Variants in TMEM131 observed in about 807,000 individuals in gnomAD.
TMEM131 encodes transmembrane protein 131.
TMEM131 carries 66 observed loss-of-function variants against 211.6 expected under a neutral mutation model. The ratio of observed to expected loss-of-function variants is 0.31; its 90% confidence interval spans 0.26 to 0.38. The LOEUF (loss-of-function observed/expected upper bound fraction) is 0.38. Among genes scored for constraint, TMEM131 ranks in the 10% least tolerant of loss-of-function variants. The probability of loss-of-function intolerance (pLI) is 1.00; values close to 1 mark genes in which losing one functional copy is unlikely to be tolerated. For synonymous variants in TMEM131, 844 were observed against 841.3 expected, an observed-to-expected ratio of 1.00 and a Z score of -0.06; for missense variants, 2,036 against 2,299.3, an observed-to-expected ratio of 0.89 and a Z score of 2.34.
chr2:97,757,934 C>T (rs34305873), intron 40 of TMEM131, among the ~76,000 whole-genome samples: 51,504 of 152,048 alleles, frequency 0.34, 9,659 homozygotes, highest in Middle Eastern at 0.48. Flanking sequence ...AGATCGAGAT[C>T]ATCCTGGCTA....
chr2:97,821,629 C>T (rs1048773706), intron 11 of TMEM131, among the ~76,000 whole-genome samples: 2 of 152,196 alleles, frequency 1.3e-5, no homozygotes, highest in African/African-American at 4.8e-5. Context: ...CACATTTTGG[C>T]GACCCACATG....
intron 40 of TMEM131, among the ~76,000 whole-genome samples, chr2:97,758,473 A>C (rs1678628962): frequency 6.6e-6 from 1 of 152,256 alleles, no homozygotes; most frequent in African/African-American, 2.4e-5. Flanking sequence ...TCAGCAACAA[A>C]GTAAATGCAG....
intron 11 of TMEM131, among the ~76,000 whole-genome samples, chr2:97,824,406 T>C (rs1290417910): frequency 6.6e-6 from 1 of 152,240 alleles, no homozygotes; most frequent in Non-Finnish European, 1.5e-5. Flanking sequence ...TCTCCTGTCC[T>C]GGACGACGGT....
chr2:97,935,353 C>T (rs959888335), intron 1 of TMEM131, among the ~76,000 whole-genome samples: 1 of 152,100 alleles, frequency 6.6e-6, no homozygotes. Context: ...GAACCAGGTA[C>T]AGGCTACACA....
At chr2:97,829,047 A>T (rs1046057549) in intron 11 of TMEM131, among the ~76,000 whole-genome samples, 1 of 152,230 alleles carries the variant, frequency 6.6e-6, no homozygotes, top group African/African-American at 2.4e-5. Context: ...ACTGGCCTAG[A>T]CAGTTCCCCT....
chr2:97,881,242 CTTT>C (rs10713748), intron 4 of TMEM131, among the ~76,000 whole-genome samples: 6 of 144,722 alleles, frequency 4.1e-5, no homozygotes, highest in African/African-American at 5.1e-5. Flanking sequence ...TCTTGCGACT[CTTT>C]TTTTTTTTTT....
At chr2:97,760,365 G>A in intron 38 of TMEM131, 1 of 565,366 alleles carries the variant, frequency 1.8e-6, no homozygotes, top group Non-Finnish European at 3.2e-6. Context: ...GCTGAGACAG[G>A]CATGGGTGCC....
At chr2:97,899,756 T>A (rs1388791504) in intron 3 of TMEM131, among the ~76,000 whole-genome samples, 1 of 152,120 alleles carries the variant, frequency 6.6e-6, no homozygotes, top group East Asian at 1.9e-4. Context: ...TTTATATCTA[T>A]CCCTTTCCCT....
rs779971172 is a variant in TMEM131, at chr2:97,834,823, C to G, written c.907G>C (p.Asp303His). Reference protein sequence around the residue: ...AFIRIKTNASDSTEFIILPVE... With the variant: ...AFIRIKTNASHSTEFIILPVE... Reference sequence around the variant, plus strand: ...GGAAGAATGATAAACTCTGTGCTGTCTGAAGCATTAGTCTTTATTCTTATG... The same window carrying G: ...GGAAGAATGATAAACTCTGTGCTGTGTGAAGCATTAGTCTTTATTCTTATG... The change falls in exon 9 of 41, where the codon GAC (aspartate) becomes CAC (histidine). Residue 303 changes from aspartate (D) to histidine (H), a missense_variant. Transcript: ENST00000186436. The G allele has an allele frequency of 1.2e-6, 2 of 1,613,868 alleles. No individual in the cohort carries two copies.
intron 2 of TMEM131, among the ~76,000 whole-genome samples, chr2:97,926,693 A>C (rs751031509): frequency 6.6e-6 from 1 of 152,224 alleles, no homozygotes; most frequent in Non-Finnish European, 1.5e-5. Context: ...ACTATTAGTG[A>C]ATCACATCCC....
intron 2 of TMEM131, among the ~76,000 whole-genome samples, chr2:97,909,206 C>A (rs778242881): frequency 6.6e-6 from 1 of 152,076 alleles, no homozygotes; most frequent in South Asian, 2.1e-4. Flanking sequence ...TCTGAAGAGA[C>A]AATATTTACA....
intron 1 of TMEM131, among the ~76,000 whole-genome samples, chr2:97,977,584 C>T (rs1339893307): frequency 6.6e-6 from 1 of 152,184 alleles, no homozygotes; most frequent in East Asian, 1.9e-4. Context: ...GCTACATTTA[C>T]ACTGTATTGT....
intron 1 of TMEM131, among the ~76,000 whole-genome samples, chr2:97,941,495 G>A (rs1443566517): frequency 1.3e-5 from 2 of 152,196 alleles, no homozygotes; most frequent in Admixed American, 1.3e-4. Flanking sequence ...AAATGAAAGA[G>A]CTTCTGCACA....
intron 27 of TMEM131, 97 bp downstream of exon 27, chr2:97,796,747 A>G (rs552243469): frequency 2.5e-6 from 3 of 1,220,436 alleles, no homozygotes; most frequent in African/African-American, 1.5e-5. Context: ...ACTAATATAC[A>G]CAGGTGCACA....
chr2:97,978,862 G>C (rs922713997), intron 1 of TMEM131, among the ~76,000 whole-genome samples: 1 of 152,120 alleles, frequency 6.6e-6, no homozygotes, highest in African/African-American at 2.4e-5. Context: ...TCCTTTCCAG[G>C]AGGTTTTCAA....
At chr2:97,826,273 A>G (rs1342790973) in intron 11 of TMEM131, among the ~76,000 whole-genome samples, 1 of 152,216 alleles carries the variant, frequency 6.6e-6, no homozygotes, top group African/African-American at 2.4e-5. Flanking sequence ...CCTGAGCCTT[A>G]AAACTGAGAA....
At chr2:97,920,948 G>A (rs1573558985) in intron 2 of TMEM131, among the ~76,000 whole-genome samples, 1 of 150,812 alleles carries the variant, frequency 6.6e-6, no homozygotes, top group East Asian at 1.9e-4. Flanking sequence ...CAGATTCTGA[G>A]TGACGCTAAT....
chr2:97,842,573 G>C (rs182635658), intron 6 of TMEM131, among the ~76,000 whole-genome samples: 2 of 152,196 alleles, frequency 1.3e-5, no homozygotes, highest in East Asian at 1.9e-4. Flanking sequence ...GGGGAGAGTG[G>C]AGGGCATTCA....
chr2:97,833,534 A>C, intron 10 of TMEM131, 108 bp from the exon 11 acceptor site: 1 of 608,048 alleles, frequency 1.6e-6, no homozygotes, highest in Non-Finnish European at 2.9e-6. Context: ...TGTGAAATAC[A>C]ATGACAATAA....
Sources: allele counts gnomAD v4.1 joint callset (sites outside exome capture counted in the v4.1 genomes callset), GRCh38; gene constraint gnomAD v4.1.1; transcripts MANE v1.5; gene names NCBI Gene and HGNC (gene_info 2026-07-23, HGNC 2026-07-21).